The following ASXL2 variants were observed in gnomAD, a reference collection of about 807,000 sequenced individuals.
The protein encoded by ASXL2 is putative Polycomb group protein ASXL2.
ASXL2 carries 23 observed loss-of-function variants against 122.0 expected under a neutral mutation model. The ratio of observed to expected loss-of-function variants is 0.19; its 90% CI spans 0.14 to 0.27. The LOEUF is 0.27. Among genes scored for constraint, ASXL2 ranks in the 10% least tolerant of loss-of-function variants. ASXL2 has a pLI of 1.00. For missense variants in ASXL2, 1,518 were observed against 1,713.8 expected (o/e 0.89, Z 2.02); for synonymous variants, 650 against 637.0 (o/e 1.02, Z -0.31).
chr2:25,870,921 T>C (rs2089957905), intron 1 of ASXL2, among the ~76,000 whole-genome samples: 1 of 152,220 alleles, frequency 6.6e-6, no homozygotes, highest in African/African-American at 2.4e-5. Context: ...ATTCCTGTTT[T>C]CAGTATACTG....
intron 3 of ASXL2, among the ~76,000 whole-genome samples, chr2:25,813,143 A>G (rs6744885): frequency 0.042 from 6,447 of 152,186 alleles, 208 homozygotes; most frequent in African/African-American, 0.08. Flanking sequence ...TTAAGTACCC[A>G]CTCTGTTTAG....
At chr2:25,853,690 T>C (rs2089744558) in intron 1 of ASXL2, among the ~76,000 whole-genome samples, 1 of 151,988 alleles carries the variant, frequency 6.6e-6, no homozygotes, top group South Asian at 2.1e-4. Context: ...GCATGCAGTT[T>C]TATAGCTGGA....
chr2:25,749,560 T>C (rs909971046), intron 12 of ASXL2, 136 bp downstream of exon 12: 8 of 665,906 alleles, frequency 1.2e-5, no homozygotes, highest in African/African-American at 3.7e-5. Flanking sequence ...TGTAAGACCA[T>C]AGTTACATAT....
In ASXL2 at chr2:25,871,885, C is replaced by T. The variant is rs77504472; in HGVS notation, c.57+6281G>A. ...AACAGACTTGCAGAAAGTAATTTGACGAATGTAAATACACAGTTGTTTTGA... is the reference window on the plus strand; with the variant it reads ...AACAGACTTGCAGAAAGTAATTTGATGAATGTAAATACACAGTTGTTTTGA... On this transcript the variant is annotated intron_variant, in intron 1 of 12. Coordinates refer to ENST00000435504, the MANE Select transcript of ASXL2 (RefSeq NM_018263.6). 3.3e-5 allele frequency among the ~76,000 whole-genome samples: 5 copies of T among 152,298 alleles called. No homozygotes were observed. In the East Asian group the frequency reaches 5.8e-4, roughly 18 times the overall value.
At chr2:25,831,698 A>G (rs1167915974) in intron 3 of ASXL2, among the ~76,000 whole-genome samples, 11 of 152,204 alleles carry the variant, frequency 7.2e-5, no homozygotes, top group Non-Finnish European at 2.9e-5. Flanking sequence ...AAAAAGAAAA[A>G]GAAAAAGTAA....
intron 1 of ASXL2, among the ~76,000 whole-genome samples, chr2:25,855,687 A>G (rs979381432): frequency 3.3e-5 from 5 of 151,392 alleles, no homozygotes; most frequent in Non-Finnish European, 7.4e-5. Context: ...ATAAAAATAT[A>G]AAAATTAGCC....
In ASXL2 at chr2:25,741,686, C is replaced by T. The variant is rs1157064783; in HGVS notation, c.*343G>A. The T allele has an allele frequency of 7.5e-6, 2 of 265,274 alleles. No individual in the cohort carries two copies. Among genetic ancestry groups the T allele is most frequent in the East Asian group, 5.5e-5 (1 of 18,224 alleles). The allele number at this position is 265,274 out of a possible 1,614,324, so 16.4% of individuals were successfully genotyped here. ...TACCATGCCGGCATTAAACTTTTCT[C>T]AGTCACAAGTAGTAGAACATTAATC... is the stretch of plus-strand genomic sequence containing the variant. On this transcript the variant is annotated 3_prime_UTR_variant, in exon 13 of 13. Coordinates refer to ENST00000435504, the MANE Select transcript of ASXL2 (RefSeq NM_018263.6).
At chr2:25,809,955 GT>G in intron 3 of ASXL2, 1 of 525,154 alleles carries the variant, frequency 1.9e-6, no homozygotes. Flanking sequence ...GCAGAGTCTG[GT>G]CCAGCATCCT....
rs1183833185 is a variant in ASXL2 at position 25,736,376 on chromosome 2, TG to T, written c.*5652del. 1 of 152,176 alleles carries T rather than the reference TG, an allele frequency of 6.6e-6. No individual in the cohort carries two copies. The highest frequency in any genetic ancestry group is 1.5e-5 in the Non-Finnish European group (1 of 68,020). The allele number at this position is 152,176 out of a possible 1,614,324, so 9.4% of individuals were successfully genotyped here. ...AATAATGATAAATATGTACCAGAAA[TG>T]GGGAGTCAATCTTTGTAAATGGTCA... is the stretch of plus-strand genomic sequence containing the variant. On this transcript the variant is annotated 3_prime_UTR_variant, in exon 13 of 13. Transcript: ENST00000435504.
intron 5 of ASXL2, among the ~76,000 whole-genome samples, chr2:25,795,258 A>T (rs2088895412): frequency 6.6e-6 from 1 of 152,236 alleles, no homozygotes; most frequent in African/African-American, 2.4e-5. Flanking sequence ...ACAAATAATC[A>T]ATATTATAAT....
At chr2:25,838,270 T>C (rs2089536863) in intron 2 of ASXL2, among the ~76,000 whole-genome samples, 1 of 152,176 alleles carries the variant, frequency 6.6e-6, no homozygotes, top group Non-Finnish European at 1.5e-5. Flanking sequence ...GTAGGCAGTT[T>C]CCTGTGGCCA....
intron 5 of ASXL2, among the ~76,000 whole-genome samples, chr2:25,784,978 T>C (rs957587294): frequency 3.3e-5 from 5 of 152,240 alleles, no homozygotes; most frequent in African/African-American, 9.6e-5. Context: ...CTTAACACTG[T>C]CATTCATTGA....
chr2:25,776,870 A>T (rs1444911486), intron 5 of ASXL2, among the ~76,000 whole-genome samples: 1 of 152,216 alleles, frequency 6.6e-6, no homozygotes, highest in East Asian at 1.9e-4. Context: ...CAGCCCAGAA[A>T]AGTGACAATA....
At chr2:25,825,802 G>A (rs1369534696) in intron 3 of ASXL2, among the ~76,000 whole-genome samples, 6 of 152,120 alleles carry the variant, frequency 3.9e-5, no homozygotes, top group African/African-American at 1.2e-4. Flanking sequence ...TGCGTATACA[G>A]GCAAAAGAGG....
At chr2:25,856,465 T>C (rs1574450709) in intron 1 of ASXL2, 12 of 1,003,726 alleles carry the variant, frequency 1.2e-5, no homozygotes, top group Non-Finnish European at 1.4e-5. Flanking sequence ...AGCTTCTCAC[T>C]TGGCCTTCGG....
At position 25,742,987 on chromosome 2, in the gene ASXL2, T is replaced by C. The variant is rs1345769952; in HGVS notation, c.3350A>G (p.Lys1117Arg). Residue 1117 changes from lysine to arginine, a missense_variant, in exon 13 of 13, where the codon AAA (lysine) becomes AGA (arginine). By Grantham distance (26) the Lys-to-Arg change is conservative. Around this residue, in one of 8 missense-constraint regions of ASXL2, gnomAD observed 831 missense variants for 833.1 expected, o/e 1.00. Coordinates refer to ENST00000435504, the MANE Select transcript of ASXL2 (RefSeq NM_018263.6). ...TAAGTAGTGCCCTGCCATTGCAGGT[T>C]TGGATGTCCTTCTGCCAGCAAAACC... ...MLGFAGRRTSKPAMAGHYLLN... is the reference protein window; with the variant it reads ...MLGFAGRRTSRPAMAGHYLLN... 5 of 1,613,910 alleles carry C rather than the reference T, an allele frequency of 3.1e-6. No individual in the cohort carries two copies. In the African/African-American group the frequency reaches 5.3e-5, roughly 17 times the overall value.
intron 3 of ASXL2, chr2:25,830,780 A>T (rs1025393336): frequency 2.6e-5 from 4 of 152,168 alleles, no homozygotes; most frequent in African/African-American, 2.4e-5. Flanking sequence ...ATATAAAAAT[A>T]AAAAATACAT....
In ASXL2 at chr2:25,744,616, G is replaced by A; in HGVS notation, c.1861-140C>T. On this transcript the variant is annotated intron_variant, in intron 12 of 12. Coordinates refer to ENST00000435504, the MANE Select transcript of ASXL2 (RefSeq NM_018263.6). The surrounding 1 kb of genome is among the most constrained non-coding windows in gnomAD (Gnocchi z 4.7). ...AAACATGGGTGGTCTATGGCCGAGA[G>A]GCCAAACCTTGGAGACAGCAATACT... 2.0e-6 allele frequency: 2 copies of A among 985,764 alleles called. No homozygotes were observed. The highest frequency in any genetic ancestry group is 1.4e-6 in the Non-Finnish European group (1 of 695,216). 61.1% of individuals were successfully genotyped at this position (985,764 alleles called of 1,614,324 possible).
chr2:25,748,140 T>C (rs1016934664), intron 12 of ASXL2, among the ~76,000 whole-genome samples: 1 of 151,874 alleles, frequency 6.6e-6, no homozygotes, highest in Non-Finnish European at 1.5e-5. Context: ...ATTGCATCAC[T>C]GCATTCCAGC....
Sources: allele counts gnomAD v4.1 joint callset (sites outside exome capture counted in the v4.1 genomes callset), GRCh38; gene constraint gnomAD v4.1.1; regional missense constraint gnomAD v4.1.1; non-coding constraint Gnocchi (gnomAD v3.1); transcripts MANE v1.5; gene names NCBI Gene and HGNC (gene_info 2026-07-23, HGNC 2026-07-21).